Variants in SMCO2 observed in about 807,000 individuals in gnomAD.
SMCO2 encodes the protein single-pass membrane protein with coiled-coil domains 2, also known as single-pass membrane and coiled-coil domain-containing protein 2.
SMCO2 carries 25 observed loss-of-function variants against 29.5 expected under a neutral mutation model. That is an observed-to-expected ratio of 0.85 (90% CI 0.62 to 1.18). The LOEUF is 1.18. Among genes scored for constraint, SMCO2 ranks in the 50% most tolerant of loss-of-function variants. The pLI is 0.00. For synonymous variants in SMCO2, 117 were observed against 123.3 expected (o/e 0.95, Z 0.34); for missense variants, 348 against 344.5 (o/e 1.01, Z -0.08).
the SMCO2 span, among the ~76,000 whole-genome samples, chr12:27,447,667 A>AG: frequency 1.3e-5 from 2 of 148,694 alleles, no homozygotes; most frequent in African/African-American, 5.0e-5. Context: ...CTAAGGTGGG[A>AG]GGAGGTCAAG....
At chr12:27,470,855 A>AGC in intron 2 of SMCO2, 90 bp downstream of exon 2, 1 of 1,404,454 alleles carries the variant, frequency 7.1e-7, no homozygotes. Flanking sequence ...TGAGATTTCC[A>AGC]GGTTCAGAGT....
upstream of SMCO2, among the ~76,000 whole-genome samples, chr12:27,465,541 G>A (rs79973455): frequency 0.012 from 1,780 of 152,296 alleles, 15 homozygotes; most frequent in Non-Finnish European, 0.017. Context: ...ATCTGAACTT[G>A]AGCTTTTGGC....
chr12:27,450,188 C>G, the SMCO2 span, among the ~76,000 whole-genome samples: 3 of 152,184 alleles, frequency 2.0e-5, no homozygotes, highest in Non-Finnish European at 4.4e-5. Context: ...CACACCTGGT[C>G]ACCAAAACAT....
the SMCO2 span, among the ~76,000 whole-genome samples, chr12:27,439,584 G>A: frequency 6.6e-6 from 1 of 152,182 alleles, no homozygotes; most frequent in South Asian, 2.1e-4. Flanking sequence ...GAAACTCAGC[G>A]ATCTCCAAGA....
chr12:27,493,451 G>A (rs1029213302), intron 5 of SMCO2, among the ~76,000 whole-genome samples: 4 of 152,074 alleles, frequency 2.6e-5, no homozygotes, highest in Non-Finnish European at 4.4e-5. Flanking sequence ...AAGATCACAT[G>A]AGCCTGGGGA....
chr12:27,498,189 A>G (rs1189824598), intron 7 of SMCO2: 2 of 348,398 alleles, frequency 5.7e-6, no homozygotes, highest in Admixed American at 6.3e-5. Flanking sequence ...ATGCTAGATG[A>G]CAGAGGAAAT....
chr12:27,454,672 G>C, the SMCO2 span, among the ~76,000 whole-genome samples: 1 of 152,242 alleles, frequency 6.6e-6, no homozygotes, highest in Admixed American at 6.5e-5. Flanking sequence ...GTTTGCTGCA[G>C]CCATCAACCC....
the SMCO2 span, among the ~76,000 whole-genome samples, chr12:27,445,905 C>T: frequency 3.3e-5 from 5 of 151,600 alleles, no homozygotes; most frequent in Admixed American, 2.6e-4. Flanking sequence ...TTCTTTCTCT[C>T]TCTCTCTTTT....
intron 4 of SMCO2, among the ~76,000 whole-genome samples, chr12:27,481,759 T>C (rs960761605): frequency 7.2e-5 from 11 of 152,244 alleles, no homozygotes; most frequent in African/African-American, 2.7e-4. Context: ...GCCCATTTTA[T>C]CAAAGTTGTC....
exon 5 of SMCO2, chr12:27,488,482 C>A: frequency 6.5e-7 from 1 of 1,538,314 alleles, no homozygotes; most frequent in South Asian, 1.2e-5. Context: ...CATGCTGACC[C>A]TGAAGGGTCA....
the SMCO2 span, among the ~76,000 whole-genome samples, chr12:27,458,192 T>G: frequency 6.6e-6 from 1 of 152,174 alleles, no homozygotes; most frequent in South Asian, 2.1e-4. Context: ...TAAATTAATT[T>G]TTATTAAAAA....
intron 3 of SMCO2, among the ~76,000 whole-genome samples, chr12:27,474,535 C>T (rs947107643): frequency 3.9e-5 from 6 of 152,048 alleles, no homozygotes; most frequent in Admixed American, 2.0e-4. Flanking sequence ...AGATGGAATT[C>T]GATTACTCAT....
chr12:27,464,716 C>CAAAAAA (rs767874837), upstream of SMCO2, among the ~76,000 whole-genome samples: 5 of 46,126 alleles, frequency 1.1e-4, no homozygotes, highest in African/African-American at 3.6e-4. Context: ...GACCCTGTCT[C>CAAAAAA]AAAAAAAAAA....
At chr12:27,449,650 C>G in the SMCO2 span, among the ~76,000 whole-genome samples, 1 of 152,182 alleles carries the variant, frequency 6.6e-6, no homozygotes, top group South Asian at 2.1e-4. Context: ...CTCATCTGGT[C>G]CCTTGAAGGG....
the SMCO2 span, among the ~76,000 whole-genome samples, chr12:27,459,104 A>G: frequency 1.1e-4 from 16 of 146,398 alleles, no homozygotes; most frequent in Admixed American, 2.1e-4. Context: ...GGAGAATGGC[A>G]TGAACCCGGG....
the SMCO2 span, among the ~76,000 whole-genome samples, chr12:27,454,929 T>A: frequency 6.6e-6 from 1 of 152,230 alleles, no homozygotes; most frequent in Non-Finnish European, 1.5e-5. Flanking sequence ...GGCTGCATAG[T>A]ATTCCATGGC....
chr12:27,451,669 T>C, the SMCO2 span, among the ~76,000 whole-genome samples: 1 of 152,210 alleles, frequency 6.6e-6, no homozygotes. Flanking sequence ...GTGCATTGTG[T>C]GACTCAAGCT....
intron 6 of SMCO2, among the ~76,000 whole-genome samples, chr12:27,494,950 C>A (rs1942979934): frequency 6.6e-6 from 1 of 152,002 alleles, no homozygotes; most frequent in Admixed American, 6.6e-5. Context: ...CTACATATTA[C>A]CCATTCTTCA....
At chr12:27,456,541 C>T in the SMCO2 span, among the ~76,000 whole-genome samples, 1 of 152,174 alleles carries the variant, frequency 6.6e-6, no homozygotes, top group Non-Finnish European at 1.5e-5. Context: ...ACCTCAGTCT[C>T]CTGAGTAGCT....
Sources: gnomAD v4.1 joint callset for allele counts (sites outside exome capture counted in the v4.1 genomes callset) on GRCh38, gnomAD v4.1.1 for gene constraint, MANE v1.5 for transcripts, NCBI Gene and HGNC (gene_info 2026-07-23, HGNC 2026-07-21) for gene names.